The following NUP153 variants were observed in gnomAD, a reference collection of about 807,000 sequenced individuals.
NUP153 encodes the protein nuclear pore complex protein Nup153.
Under a neutral mutation model 134.6 loss-of-function variants are expected in NUP153, and 27 were observed. The ratio of observed to expected loss-of-function variants is 0.20; its 90% CI spans 0.15 to 0.28. The LOEUF is 0.28. Ranked by LOEUF, NUP153 falls within the 10% of genes least tolerant of loss-of-function variation. NUP153 has a pLI of 1.00. For missense variants in NUP153, 1,821 were observed against 1,731.3 expected (o/e 1.05, Z -0.92); for synonymous variants, 640 against 623.5 (o/e 1.03, Z -0.40).
In NUP153 at chr6:17,706,619, C is replaced by T. The variant is rs1391920530; in HGVS notation, c.-232G>A. 2.6e-5 allele frequency: 15 copies of T among 566,674 alleles called. 1 individual carries two copies. The highest frequency in any genetic ancestry group is 4.0e-5 in the African/African-American group (2 of 49,822). 35.1% of individuals were successfully genotyped at this position (566,674 alleles called of 1,614,324 possible). A position where few individuals can be genotyped will look rare whatever the true frequency, so the allele number is the denominator to read the frequency against. ...GGCGGCCGCAGAGGCCGAGGAGGCT[C>T]CGGTCCGGCCGCCTCTGCGGACCCC... On this transcript the variant is annotated 5_prime_UTR_variant, in exon 1 of 22. Transcript: ENST00000262077. This position sits in a 1 kb window ranked among gnomAD's most constrained non-coding sequence, Gnocchi z 5.9.
intron 1 of NUP153, among the ~76,000 whole-genome samples, chr6:17,690,946 T>C (rs1331724301): frequency 1.3e-5 from 2 of 151,946 alleles, no homozygotes; most frequent in African/African-American, 2.4e-5. Context: ...AAGACCAGCC[T>C]GACCAATATG....
chr6:17,703,200 A>G (rs921929272), intron 1 of NUP153, among the ~76,000 whole-genome samples: 1 of 150,796 alleles, frequency 6.6e-6, no homozygotes, highest in Non-Finnish European at 1.5e-5. Context: ...TCCATCTCAA[A>G]AAAAAAAAAA....
At position 17,706,732 on chromosome 6, in the gene NUP153, C is replaced by T. The variant is rs1274431341; in HGVS notation, c.-345G>A. ...CCGCGGTGCTGAGGCCTAACTCGAC[C>T]GCCGACTGGTGGGAGTTCTTCCGTC... is the stretch of plus-strand genomic sequence containing the variant. On this transcript the variant is annotated 5_prime_UTR_variant, in exon 1 of 22. Coordinates refer to ENST00000262077, the MANE Select transcript of NUP153 (RefSeq NM_005124.4). This position sits in a 1 kb window ranked among gnomAD's most constrained non-coding sequence, Gnocchi z 5.9. The T allele has an allele frequency of 7.8e-6, 2 of 257,934 alleles. No individual in the cohort carries two copies. The highest frequency in any genetic ancestry group is 9.7e-5 in the East Asian group (1 of 10,272). The allele number at this position is 257,934 out of a possible 1,614,324, so 16.0% of individuals were successfully genotyped here.
Position 17,632,836 on chromosome 6 carries a change from C to G in NUP153, c.2473G>C (p.Val825Leu), listed in dbSNP as rs1300943886. The part of the protein sequence containing the change: ...SCMSEKPGSS[V>L]PASSSSTVPV... ...ACAGTGCTGCTACTTGAAGCAGGTACTGAACTTCCTAAAAAAAAAAAAAAA... is the reference window on the plus strand; with the variant it reads ...ACAGTGCTGCTACTTGAAGCAGGTAGTGAACTTCCTAAAAAAAAAAAAAAA... The change falls in exon 17 of 22, where the codon GTA (valine) becomes CTA (leucine). Residue 825 changes from valine (V) to leucine (L), a missense_variant. Transcript: ENST00000262077. 2 of 1,305,240 alleles carry G rather than the reference C, an allele frequency of 1.5e-6. No individual in the cohort carries two copies. Among genetic ancestry groups the G allele is most frequent in the Admixed American group, 2.4e-5 (1 of 40,912 alleles). The allele number at this position is 1,305,240 out of a possible 1,614,324, so 80.9% of individuals were successfully genotyped here. A position where few individuals can be genotyped will look rare whatever the true frequency, so the allele number is the denominator to read the frequency against.
Position 17,675,256 on chromosome 6 carries a change from G to C in NUP153, c.696C>G (p.Asn232Lys), listed in dbSNP as rs1581744499. The C allele has an allele frequency of 6.2e-7, 1 of 1,614,158 alleles. No individual in the cohort carries two copies. The highest frequency in any genetic ancestry group is 1.3e-5 in the African/African-American group (1 of 75,054). Reference protein sequence around the residue: ...TATSSKKPAFNLSAFGTLSPS... With the variant: ...TATSSKKPAFKLSAFGTLSPS... Reference sequence around the variant, plus strand: ...GGGAAAGTGTTCCAAAGGCAGACAAGTTGAATGCTGGTTTTTTTGAGCTGG... The same window carrying C: ...GGGAAAGTGTTCCAAAGGCAGACAACTTGAATGCTGGTTTTTTTGAGCTGG... The change falls in exon 4 of 22, where the codon AAC becomes AAG. Residue 232 changes from asparagine to lysine, a missense_variant. Coordinates refer to ENST00000262077, the MANE Select transcript of NUP153 (RefSeq NM_005124.4). This position sits in a 1 kb window ranked among gnomAD's most constrained non-coding sequence, Gnocchi z 4.4.
At chr6:17,678,629 C>G (rs140172330) in intron 2 of NUP153, among the ~76,000 whole-genome samples, 1 of 152,178 alleles carries the variant, frequency 6.6e-6, no homozygotes, top group East Asian at 1.9e-4. Flanking sequence ...CTGTAGTGTT[C>G]TTCTATGTGC....
In NUP153 at chr6:17,625,767, G is replaced by C. The variant is rs1764907435; in HGVS notation, c.3901+41C>G. ...AAGAACTGACACACTAATAAGTAAAGTCCATCCAATTACAATGCATTTTTT... is the reference window on the plus strand; with the variant it reads ...AAGAACTGACACACTAATAAGTAAACTCCATCCAATTACAATGCATTTTTT... On this transcript the variant is annotated intron_variant, in intron 19 of 21. Coordinates refer to ENST00000262077, the MANE Select transcript of NUP153 (RefSeq NM_005124.4). This position sits in a 1 kb window ranked among gnomAD's most constrained non-coding sequence, Gnocchi z 4.7. 2 of 1,436,440 alleles carry C rather than the reference G, an allele frequency of 1.4e-6. No homozygotes were observed. Among genetic ancestry groups the C allele is most frequent in the East Asian group, 4.6e-5 (2 of 43,898 alleles). The allele number at this position is 1,436,440 out of a possible 1,614,324, so 89.0% of individuals were successfully genotyped here. A position where few individuals can be genotyped will look rare whatever the true frequency, so the allele number is the denominator to read the frequency against.
chr6:17,648,714 G>A (rs1766344945), intron 12 of NUP153, among the ~76,000 whole-genome samples: 2 of 151,926 alleles, frequency 1.3e-5, no homozygotes, highest in African/African-American at 4.8e-5. Context: ...GAGGTGGGAG[G>A]ATCACTTGAG....
chr6:17,637,719 C>A lies in NUP153; in HGVS notation c.1898G>T (p.Ser633Ile), dbSNP rs2113784712. The change falls in exon 16 of 22, where the codon AGC (serine) becomes ATC (isoleucine). Residue 633 changes from serine (S) to isoleucine (I), a missense_variant. Physicochemically the swap from Ser to Ile is moderately radical, Grantham distance 142 (BLOSUM62 -2). Coordinates refer to ENST00000262077, the MANE Select transcript of NUP153 (RefSeq NM_005124.4). ...TGCTGGTCTTGTATAAACTACTGGG[C>A]TTGTTGCGGTGGGCTGAGCAGCAAC... ...DSVAAQPTAT[S>I]PVVYTRPAIS... 1 of 1,607,390 alleles carries A rather than the reference C, an allele frequency of 6.2e-7. No homozygotes were observed. The highest frequency in any genetic ancestry group is 1.1e-5 in the South Asian group (1 of 91,080).
chr6:17,668,941 C>T (rs1767721414), intron 8 of NUP153, 34 bp downstream of exon 8: 2 of 1,398,662 alleles, frequency 1.4e-6, no homozygotes, highest in Non-Finnish European at 2.0e-6. Flanking sequence ...AAATTGTAGA[C>T]AGTTTAAATA....
rs1765698678 is a variant in NUP153, at chr6:17,638,919, GA to G, written c.1846+1019del. Among the ~76,000 whole-genome samples the G allele has an allele frequency of 6.6e-6, 1 of 152,156 alleles. No individual in the cohort carries two copies. The highest frequency in any genetic ancestry group is 2.4e-5 in the African/African-American group (1 of 41,420). ...TCTATAAAATGAGAGAGCTGGACCA[GA>G]AAAATTGAATCCTCCTAAATCCTGT... On this transcript the variant is annotated intron_variant, in intron 15 of 21. Coordinates refer to ENST00000262077, the MANE Select transcript of NUP153 (RefSeq NM_005124.4). The surrounding 1 kb of genome is among the most constrained non-coding windows in gnomAD (Gnocchi z 4.0).
chr6:17,657,038 C>G (rs1747686494), intron 11 of NUP153, among the ~76,000 whole-genome samples: 1 of 152,102 alleles, frequency 6.6e-6, no homozygotes, highest in South Asian at 2.1e-4. Context: ...TACCTGTTAG[C>G]CACTGATTTC....
chr6:17,626,335 A>G (rs1002893177), intron 18 of NUP153, among the ~76,000 whole-genome samples, 171 bp from the exon 19 acceptor site: 1 of 152,230 alleles, frequency 6.6e-6, no homozygotes, highest in South Asian at 2.1e-4. Context: ...AGATTTTGAC[A>G]AAGTCAAATA....
In NUP153 at chr6:17,650,177, G is replaced by A. The variant is rs549351786; in HGVS notation, c.1396-877C>T. Among the ~76,000 whole-genome samples, 8 of 152,326 alleles carry A rather than the reference G, an allele frequency of 5.3e-5. No homozygotes were observed. In the East Asian group the frequency reaches 1.5e-3, roughly 29 times the overall value. On this transcript the variant is annotated intron_variant, in intron 11 of 21. Transcript: ENST00000262077. Reference sequence around the variant, plus strand: ...GAAACAATCATCTGAAGGCACAAGAGCAACCAAAAGCAAGAAGAAACTGGA... The same window carrying A: ...GAAACAATCATCTGAAGGCACAAGAACAACCAAAAGCAAGAAGAAACTGGA...
rs1246920527 is a variant in NUP153, at chr6:17,637,602, T to C, written c.2015A>G (p.Lys672Arg). Reference sequence around the variant, plus strand: ...GGCTATGCATTTGTTGTCTGTAACTTTGTTCTGGAGTAGACATGTATCACA... The same window carrying C: ...GGCTATGCATTTGTTGTCTGTAACTCTGTTCTGGAGTAGACATGTATCACA... ...WQCDTCLLQNKVTDNKCIACQ... is the reference protein window; with the variant it reads ...WQCDTCLLQNRVTDNKCIACQ... Residue 672 changes from lysine (K) to arginine (R), a missense_variant, in exon 16 of 22, where the codon AAA becomes AGA. Lys to Arg is a conservative substitution (Grantham distance 26). Coordinates refer to ENST00000262077, the MANE Select transcript of NUP153 (RefSeq NM_005124.4). 1.2e-6 allele frequency: 2 copies of C among 1,614,028 alleles called. No homozygotes were observed. The highest frequency in any genetic ancestry group is 1.7e-6 in the Non-Finnish European group (2 of 1,180,030).
intron 11 of NUP153, among the ~76,000 whole-genome samples, chr6:17,660,559 T>C (rs1315292657): frequency 1.3e-5 from 2 of 151,528 alleles, no homozygotes; most frequent in Admixed American, 1.3e-4. Context: ...TATATATACA[T>C]ATACATACAT....
intron 1 of NUP153, among the ~76,000 whole-genome samples, chr6:17,694,138 C>G (rs1769472316): frequency 6.6e-6 from 1 of 152,120 alleles, no homozygotes; most frequent in Non-Finnish European, 1.5e-5. Flanking sequence ...GTCTTCCTAA[C>G]TTAGAACATA....
At position 17,649,197 on chromosome 6, in the gene NUP153, G is replaced by A; in HGVS notation, c.1499C>T (p.Ser500Leu). The change falls in exon 12 of 22, where the codon TCA (serine) becomes TTA (leucine). Residue 500 changes from serine (S) to leucine (L), a missense_variant. Ser to Leu is a moderately radical substitution (Grantham distance 145). Coordinates refer to ENST00000262077, the MANE Select transcript of NUP153 (RefSeq NM_005124.4). ...SSPEITTSSP[S>L]PINSSQALTN... ...TAATGCTTGAGACGAATTGATGGGT[G>A]ATGGAGAGGAAGTTGTGATCTCAGG... is the stretch of plus-strand genomic sequence containing the variant. 1 of 1,613,860 alleles carries A rather than the reference G, an allele frequency of 6.2e-7. No individual in the cohort carries two copies.
intron 11 of NUP153, among the ~76,000 whole-genome samples, chr6:17,652,478 T>A (rs1384342317): frequency 1.3e-5 from 2 of 152,028 alleles, no homozygotes; most frequent in Non-Finnish European, 2.9e-5. Context: ...AAAATTACAA[T>A]GCTTCTAGAA....
Sources: allele counts gnomAD v4.1 joint callset (sites outside exome capture counted in the v4.1 genomes callset), GRCh38; gene constraint gnomAD v4.1.1; non-coding constraint Gnocchi (gnomAD v3.1); transcripts MANE v1.5; gene names NCBI Gene and HGNC (gene_info 2026-07-23, HGNC 2026-07-21).